ITPKB: variants seen among roughly 807,000 people sequenced by gnomAD.
The protein encoded by ITPKB is IP3 3-kinase B.
In ITPKB, 13 loss-of-function variants were observed where a neutral mutation model predicts 69.4. That is an observed-to-expected ratio of 0.19 (90% CI 0.12 to 0.30). The LOEUF is 0.30. ITPKB is among the 10% of genes least tolerant of loss of function. The pLI is 1.00. For synonymous variants in ITPKB, 584 were observed against 513.7 expected, an observed-to-expected ratio of 1.14 and a Z score of -1.85; for missense variants, 1,240 against 1,250.5, an observed-to-expected ratio of 0.99 and a Z score of 0.13.
intron 2 of ITPKB, among the ~76,000 whole-genome samples, chr1:226,701,728 G>A (rs1027090744): frequency 1.3e-5 from 2 of 152,062 alleles, no homozygotes; most frequent in Non-Finnish European, 2.9e-5. Flanking sequence ...GGGAGTAGGA[G>A]GGGTGGGACA....
chr1:226,656,037 C>T (rs1230984468), intron 2 of ITPKB, among the ~76,000 whole-genome samples: 3 of 152,208 alleles, frequency 2.0e-5, no homozygotes, highest in African/African-American at 7.2e-5. Flanking sequence ...TCAGCTTCTG[C>T]TATTAGGGAC....
In ITPKB at chr1:226,736,622, G is replaced by GC; in HGVS notation, c.836dup (p.Ser280LeufsTer20). 6.2e-7 allele frequency: 1 copy of GC among 1,613,690 alleles called. No homozygotes were observed. The highest frequency in any genetic ancestry group is 8.5e-7 in the Non-Finnish European group (1 of 1,180,006). On this transcript the variant is annotated frameshift_variant, in exon 2 of 8. Transcript: ENST00000429204. LOFTEE classifies it high-confidence loss of function. ...AGCTCCGAGTTCCCGGGGTAGGAGA[G>GC]CCCCTTTTGTCAATTTCCATAGCTG...
At chr1:226,721,565 A>T (rs1425852496) in intron 2 of ITPKB, among the ~76,000 whole-genome samples, 1 of 150,116 alleles carries the variant, frequency 6.7e-6, no homozygotes, top group Non-Finnish European at 1.5e-5. Flanking sequence ...GTGCAATCTC[A>T]GCTCACTGCA....
At chr1:226,661,467 G>C (rs1669401311) in intron 2 of ITPKB, among the ~76,000 whole-genome samples, 1 of 152,200 alleles carries the variant, frequency 6.6e-6, no homozygotes, top group Admixed American at 6.5e-5. Context: ...AGGCAGGCTG[G>C]CTGCGGATCC....
At chr1:226,725,562 T>C (rs1039897294) in intron 2 of ITPKB, among the ~76,000 whole-genome samples, 14 of 152,354 alleles carry the variant, frequency 9.2e-5, no homozygotes, top group African/African-American at 3.1e-4. Flanking sequence ...GAAAAGTCCA[T>C]GCCCCCATTA....
At position 226,639,563 on chromosome 1, in the gene ITPKB, G is replaced by A; in HGVS notation, c.2547C>T (p.Asn849=). 1.9e-6 allele frequency: 3 copies of A among 1,604,484 alleles called. No homozygotes were observed. The highest frequency in any genetic ancestry group is 1.7e-5 in the Admixed American group (1 of 60,014). ...CTGGAGGTGCCAGACTCACCAGGAT[G>A]TTATGGTTTCCTTTAGTGAACTCTC... ...AFREFTKGNH[N]ILIAYRDRLK... is the part of the protein sequence containing the mutation. Residue 849 remains asparagine (N), a synonymous_variant, in exon 6 of 8, where the codon AAC becomes AAT. Coordinates refer to ENST00000429204, the MANE Select transcript of ITPKB (RefSeq NM_002221.4).
intron 2 of ITPKB, chr1:226,657,340 G>A (rs1669312553): frequency 6.6e-6 from 1 of 152,124 alleles, no homozygotes; most frequent in Admixed American, 6.5e-5. Flanking sequence ...TTTCTAGAGG[G>A]GGTTTACATT....
intron 2 of ITPKB, 121 bp downstream of exon 2, chr1:226,735,406 C>A: frequency 8.7e-7 from 1 of 1,147,538 alleles, no homozygotes; most frequent in Non-Finnish European, 1.2e-6. Flanking sequence ...CTGTGACTGT[C>A]CCAGGGCCCT....
Position 226,694,000 on chromosome 1 carries a change from G to C in ITPKB, c.1932+41527C>G, listed in dbSNP as rs1483313927. ...AAGAGGTGTCAGAGGACTAAAGATGGGTAACTATTTGCCTAACATTTTGCC... is the reference window on the plus strand; with the variant it reads ...AAGAGGTGTCAGAGGACTAAAGATGCGTAACTATTTGCCTAACATTTTGCC... On this transcript the variant is annotated intron_variant, in intron 2 of 7. Transcript: ENST00000429204. Among the ~76,000 whole-genome samples the C allele has an allele frequency of 3.3e-5, 5 of 152,172 alleles. No homozygotes were observed. In the East Asian group the frequency reaches 9.6e-4, roughly 29 times the overall value.
At position 226,634,872 on chromosome 1, in the gene ITPKB, G is replaced by C. The variant is rs56317152; in HGVS notation, c.2640C>G (p.Ser880=). The C allele has an allele frequency of 1.2e-3, 1,921 of 1,613,564 alleles. 25 individuals carry two copies. In the African/African-American group the frequency reaches 0.023, roughly 19 times the overall value. The part of the protein sequence containing the change: ...FFKCHEVIGS[S]LLFIHDKKEQ... ...CCTTCTTGTCGTGGATGAAGAGGAG[G>C]GAGCTGCCAATGACCTGAGGAGAAC... Residue 880 remains serine (S), a synonymous_variant, in exon 8 of 8, where the codon TCC becomes TCG. Transcript: ENST00000429204. This position sits in a 1 kb window ranked among gnomAD's most constrained non-coding sequence, Gnocchi z 6.3.
intron 2 of ITPKB, among the ~76,000 whole-genome samples, chr1:226,702,050 A>C (rs1255105069): frequency 2.6e-5 from 4 of 152,188 alleles, no homozygotes. Flanking sequence ...AGAGAGAGAC[A>C]AGAAAATTCC....
intron 2 of ITPKB, among the ~76,000 whole-genome samples, chr1:226,658,644 C>A (rs1037943210): frequency 6.6e-6 from 1 of 152,126 alleles, no homozygotes; most frequent in Non-Finnish European, 1.5e-5. Flanking sequence ...TTATTTCATC[C>A]CCCGTCTCCA....
At chr1:226,691,631 T>C (rs1351030994) in intron 2 of ITPKB, among the ~76,000 whole-genome samples, 1 of 152,162 alleles carries the variant, frequency 6.6e-6, no homozygotes, top group Non-Finnish European at 1.5e-5. Context: ...GGAGGAACAA[T>C]GAAAAGAGAC....
chr1:226,707,440 G>A (rs757661405), intron 2 of ITPKB: 197 of 665,380 alleles, frequency 3.0e-4, no homozygotes, highest in Non-Finnish European at 3.5e-4. Context: ...CAGGTGATCC[G>A]CCCGCCTTGG....
intron 2 of ITPKB, among the ~76,000 whole-genome samples, chr1:226,685,797 T>C (rs775522139): frequency 2.0e-5 from 3 of 152,120 alleles, no homozygotes; most frequent in Non-Finnish European, 2.9e-5. Context: ...CTCCACAACA[T>C]TGTACAAGGA....
chr1:226,650,666 A>G (rs865854739), intron 2 of ITPKB, among the ~76,000 whole-genome samples: 41 of 152,372 alleles, frequency 2.7e-4, no homozygotes, highest in African/African-American at 9.9e-4. Flanking sequence ...CGTGGGTCAC[A>G]TCCCTGCAGC....
At chr1:226,677,393 G>A (rs1655915597) in intron 2 of ITPKB, among the ~76,000 whole-genome samples, 1 of 152,194 alleles carries the variant, frequency 6.6e-6, no homozygotes, top group African/African-American at 2.4e-5. Context: ...TGTGTGCAGA[G>A]GGGGAAGTAC....
intron 2 of ITPKB, chr1:226,707,193 T>A: frequency 5.6e-6 from 3 of 536,354 alleles, no homozygotes; most frequent in Non-Finnish European, 7.1e-6. Context: ...TTTTTTATTT[T>A]TTATTTATTT....
chr1:226,660,093 C>A (rs969153849), intron 2 of ITPKB, among the ~76,000 whole-genome samples: 5 of 152,172 alleles, frequency 3.3e-5, no homozygotes, highest in African/African-American at 1.2e-4. Flanking sequence ...TCTCCAGGAC[C>A]CCACGGCTGG....
Sources: allele counts gnomAD v4.1 joint callset (sites outside exome capture counted in the v4.1 genomes callset), GRCh38; gene constraint gnomAD v4.1.1; non-coding constraint Gnocchi (gnomAD v3.1); transcripts MANE v1.5; gene names NCBI Gene and HGNC (gene_info 2026-07-23, HGNC 2026-07-21).